SAMD5: variants seen among roughly 807,000 people sequenced by gnomAD.
The protein encoded by SAMD5 is sterile alpha motif domain-containing protein 5.
A neutral mutation model predicts 11.3 loss-of-function variants in SAMD5; 13 were observed. The ratio of observed to expected loss-of-function variants is 1.15; its 90% CI spans 0.75 to 1.83. SAMD5 has a LOEUF of 1.83. Ranked by LOEUF, SAMD5 falls within the 40% of genes most tolerant of loss-of-function variation. The probability of loss-of-function intolerance (pLI) is 0.00; values close to 1 mark genes in which losing one functional copy is unlikely to be tolerated. For synonymous variants in SAMD5, 129 were observed against 111.3 expected, an observed-to-expected ratio of 1.16 and a Z score of -1.00; for missense variants, 255 against 239.1, an observed-to-expected ratio of 1.07 and a Z score of -0.44.
At chr6:147,847,831 C>T in the SAMD5 span, among the ~76,000 whole-genome samples, 5 of 152,002 alleles carry the variant, frequency 3.3e-5, no homozygotes, top group African/African-American at 7.2e-5. Flanking sequence ...CCAGCCTGGG[C>T]GACAGAGCAA....
chr6:147,530,816 A>G (rs541777107), intron 1 of SAMD5, among the ~76,000 whole-genome samples: 1 of 152,334 alleles, frequency 6.6e-6, no homozygotes, highest in Non-Finnish European at 1.5e-5. Context: ...TCTGAGCCCC[A>G]GGCATTTTGC....
the SAMD5 span, among the ~76,000 whole-genome samples, chr6:147,928,512 ATCT>A: frequency 6.6e-6 from 1 of 152,016 alleles, no homozygotes; most frequent in African/African-American, 2.4e-5. Flanking sequence ...CCGTGGTAAC[ATCT>A]TCTTTGTCAT....
At chr6:147,756,271 C>T in the SAMD5 span, among the ~76,000 whole-genome samples, 3 of 152,050 alleles carry the variant, frequency 2.0e-5, no homozygotes, top group Admixed American at 6.6e-5. Context: ...GCTATTAATA[C>T]AATACGCAGC....
the SAMD5 span, among the ~76,000 whole-genome samples, chr6:147,825,315 C>CAA: frequency 7.1e-6 from 1 of 141,658 alleles, no homozygotes; most frequent in Non-Finnish European, 1.6e-5. Flanking sequence ...AAAACAAAAA[C>CAA]AAACAAAAAA....
At chr6:147,954,209 G>A in the SAMD5 span, among the ~76,000 whole-genome samples, 1 of 152,088 alleles carries the variant, frequency 6.6e-6, no homozygotes, top group African/African-American at 2.4e-5. Context: ...TTTTAAGCTC[G>A]AATTGTATTG....
chr6:147,839,642 C>T, the SAMD5 span, among the ~76,000 whole-genome samples: 3 of 152,014 alleles, frequency 2.0e-5, no homozygotes, highest in African/African-American at 7.2e-5. Flanking sequence ...CCAAGCTACT[C>T]GGGAGGCTGA....
chr6:147,607,197 T>G (rs900773502), intron 1 of SAMD5, among the ~76,000 whole-genome samples: 1 of 152,132 alleles, frequency 6.6e-6, no homozygotes, highest in Non-Finnish European at 1.5e-5. Flanking sequence ...ACCAAAAAAA[T>G]GGAAAAATAT....
At chr6:147,916,713 C>G in the SAMD5 span, among the ~76,000 whole-genome samples, 2 of 119,394 alleles carry the variant, frequency 1.7e-5, no homozygotes, top group Non-Finnish European at 3.4e-5. Flanking sequence ...TCCCTCCCCC[C>G]ACCCCACTAC....
chr6:147,640,800 G>A (rs1204136014), intron 1 of SAMD5, among the ~76,000 whole-genome samples: 1 of 152,152 alleles, frequency 6.6e-6, no homozygotes, highest in Non-Finnish European at 1.5e-5. Flanking sequence ...ACAGCCACAG[G>A]CTTTGCAAGA....
chr6:147,825,152 G>A, the SAMD5 span, among the ~76,000 whole-genome samples: 3 of 151,994 alleles, frequency 2.0e-5, no homozygotes, highest in Non-Finnish European at 4.4e-5. Flanking sequence ...CAAAAAATTA[G>A]CCAGGCGTGG....
chr6:147,572,226 G>C (rs1316042705), downstream of SAMD5, among the ~76,000 whole-genome samples: 2 of 150,600 alleles, frequency 1.3e-5, no homozygotes, highest in African/African-American at 5.0e-5. Flanking sequence ...GAACCTGAAG[G>C]AACCACTGTG....
rs1789047778 is a variant in SAMD5, at chr6:147,566,712, A to G, written c.*2256A>G. 1 of 985,258 alleles carries G rather than the reference A, an allele frequency of 1.0e-6. No individual in the cohort carries two copies. Among genetic ancestry groups the G allele is most frequent in the African/African-American group, 1.7e-5 (1 of 57,240 alleles). 61.0% of individuals were successfully genotyped at this position (985,258 alleles called of 1,614,324 possible). Reference sequence around the variant, plus strand: ...AAGTAAGAGTCACAGTCAGCAAAAAAAGCCAATGGATTTTAAAAAGACATC... The same window carrying G: ...AAGTAAGAGTCACAGTCAGCAAAAAGAGCCAATGGATTTTAAAAAGACATC... On this transcript the variant is annotated 3_prime_UTR_variant, in exon 2 of 2. Coordinates refer to ENST00000367474, the MANE Select transcript of SAMD5 (RefSeq NM_001030060.3).
the SAMD5 span, among the ~76,000 whole-genome samples, chr6:147,937,191 A>G: frequency 1.3e-5 from 2 of 152,218 alleles, no homozygotes; most frequent in Non-Finnish European, 2.9e-5. Context: ...TGAAGGCTAT[A>G]ATATTTAAAG....
At chr6:147,621,367 C>T (rs1031870479) in intron 1 of SAMD5, among the ~76,000 whole-genome samples, 1 of 152,150 alleles carries the variant, frequency 6.6e-6, no homozygotes, top group South Asian at 2.1e-4. Flanking sequence ...GGAGGAAATC[C>T]AGTGCATGAG....
the SAMD5 span, among the ~76,000 whole-genome samples, chr6:147,863,647 A>C: frequency 6.6e-6 from 1 of 151,446 alleles, no homozygotes; most frequent in Non-Finnish European, 1.5e-5. Context: ...AGACATTTAT[A>C]GATAACATCC....
In SAMD5 at chr6:147,611,965, G is replaced by T. The variant is rs368006055; in HGVS notation, c.162+102578G>T. Among the ~76,000 whole-genome samples the T allele has an allele frequency of 2.0e-5, 3 of 152,330 alleles. 1 individual carries two copies. The highest frequency in any genetic ancestry group is 7.2e-5 in the African/African-American group (3 of 41,574). ...CTGAGCACAACAGCTGTAGGTACTTGCTAGAGTGCTGGGCCATCGATGTAG... is the reference window on the plus strand; with the variant it reads ...CTGAGCACAACAGCTGTAGGTACTTTCTAGAGTGCTGGGCCATCGATGTAG... On this transcript the variant is annotated intron_variant, in intron 1 of 1. Coordinates refer to the SAMD5 transcript ENST00000566741.
At chr6:147,810,968 C>T in the SAMD5 span, among the ~76,000 whole-genome samples, 171 of 152,258 alleles carry the variant, frequency 1.1e-3, no homozygotes, top group African/African-American at 3.9e-3. Flanking sequence ...CAAGTGAGAA[C>T]ATGTTAAGTG....
At chr6:147,745,778 T>A in the SAMD5 span, among the ~76,000 whole-genome samples, 1 of 76,456 alleles carries the variant, frequency 1.3e-5, no homozygotes, top group Non-Finnish European at 2.6e-5. Flanking sequence ...TCTTTCTTTC[T>A]TTTTTTTTTT....
the SAMD5 span, among the ~76,000 whole-genome samples, chr6:147,896,097 G>T: frequency 6.6e-6 from 1 of 152,202 alleles, no homozygotes; most frequent in Non-Finnish European, 1.5e-5. Flanking sequence ...TCTCCTGGTA[G>T]TCCTGATAGT....
Sources: gnomAD v4.1 joint callset for allele counts (sites outside exome capture counted in the v4.1 genomes callset) on GRCh38, gnomAD v4.1.1 for gene constraint, MANE v1.5 for transcripts, NCBI Gene and HGNC (gene_info 2026-07-23, HGNC 2026-07-21) for gene names.